Variants in ROBO1 observed in about 807,000 individuals in gnomAD.
ROBO1 encodes the protein roundabout homolog 1.
In ROBO1, 149 loss-of-function variants were observed where a neutral mutation model predicts 195.9. The ratio of observed to expected loss-of-function variants is 0.76; its 90% confidence interval spans 0.67 to 0.87. The LOEUF (loss-of-function observed/expected upper bound fraction) is 0.87, where lower values mean the gene tolerates loss of function less well. Among genes scored for constraint, ROBO1 ranks in the 40% least tolerant of loss-of-function variants. The pLI is 0.00. For synonymous variants in ROBO1, 816 were observed against 733.2 expected, an observed-to-expected ratio of 1.11 and a Z score of -1.82; for missense variants, 1,933 against 2,068.3, an observed-to-expected ratio of 0.93 and a Z score of 1.27.
chr3:79,377,198 A>C (rs1559856368), intron 2 of ROBO1, among the ~76,000 whole-genome samples: 1 of 152,178 alleles, frequency 6.6e-6, no homozygotes, highest in Non-Finnish European at 1.5e-5. Flanking sequence ...AGAAAAAAAG[A>C]CACACAATTC....
intron 10 of ROBO1, among the ~76,000 whole-genome samples, chr3:78,672,993 C>T (rs1708153644): frequency 6.6e-6 from 1 of 152,132 alleles, no homozygotes; most frequent in African/African-American, 2.4e-5. Context: ...GCCAACAGCA[C>T]CAAGTGACTA....
chr3:78,943,670 A>C (rs2040261038), intron 3 of ROBO1, among the ~76,000 whole-genome samples: 1 of 152,186 alleles, frequency 6.6e-6, no homozygotes, highest in South Asian at 2.1e-4. Context: ...TTGGCCACTG[A>C]ACTCTTTTTT....
chr3:78,805,866 T>C (rs1325205992), intron 4 of ROBO1, among the ~76,000 whole-genome samples: 2 of 152,134 alleles, frequency 1.3e-5, no homozygotes, highest in African/African-American at 4.8e-5. Context: ...AGTGATACAT[T>C]TGTGCTAAAA....
At position 78,639,123 on chromosome 3, in the gene ROBO1, C is replaced by A. The variant is rs1705752204; in HGVS notation, c.3037+621G>T. ...ATTGCGCCTCTGAGCTCCAGCCTGG[C>A]CTACAGAGTGAGACTCTTGTCAAAA... On this transcript the variant is annotated intron_variant, in intron 22 of 30. Coordinates refer to ENST00000464233, the MANE Select transcript of ROBO1 (RefSeq NM_002941.4). Among the ~76,000 whole-genome samples, 4 of 151,356 alleles carry A rather than the reference C, an allele frequency of 2.6e-5. No homozygotes were observed. In the South Asian group the frequency reaches 8.4e-4, roughly 32 times the overall value.
intron 1 of ROBO1, among the ~76,000 whole-genome samples, chr3:79,754,855 A>C (rs1445941479): frequency 6.6e-6 from 1 of 152,146 alleles, no homozygotes; most frequent in Non-Finnish European, 1.5e-5. Flanking sequence ...TAATTACCTG[A>C]TACCACTTTT....
At chr3:79,395,655 C>T (rs1301550714) in intron 2 of ROBO1, among the ~76,000 whole-genome samples, 1 of 152,024 alleles carries the variant, frequency 6.6e-6, no homozygotes, top group African/African-American at 2.4e-5. Flanking sequence ...TACGGATACA[C>T]ATATATTTCT....
intron 2 of ROBO1, among the ~76,000 whole-genome samples, chr3:79,538,376 A>G (rs568638519): frequency 6.6e-6 from 1 of 152,308 alleles, no homozygotes; most frequent in African/African-American, 2.4e-5. Flanking sequence ...CAGTACAAGG[A>G]GATTTTAAAA....
At chr3:79,165,870 A>G (rs1230706563) in intron 2 of ROBO1, among the ~76,000 whole-genome samples, 1 of 152,182 alleles carries the variant, frequency 6.6e-6, no homozygotes, top group Non-Finnish European at 1.5e-5. Flanking sequence ...AATTGACTTT[A>G]ATTAAGTGGA....
At chr3:78,764,117 A>C (rs1468844718) in intron 4 of ROBO1, among the ~76,000 whole-genome samples, 2 of 152,200 alleles carry the variant, frequency 1.3e-5, no homozygotes, top group Non-Finnish European at 2.9e-5. Context: ...ACAGAAAAAA[A>C]TATTCATGTA....
chr3:79,099,622 A>C (rs2079637838), intron 3 of ROBO1, among the ~76,000 whole-genome samples: 1 of 139,132 alleles, frequency 7.2e-6, no homozygotes, highest in Non-Finnish European at 1.6e-5. Context: ...TCACCATATT[A>C]TAGTTATCTT....
intron 1 of ROBO1, among the ~76,000 whole-genome samples, chr3:79,748,591 C>T (rs961086047): frequency 4.6e-5 from 7 of 152,134 alleles, no homozygotes; most frequent in African/African-American, 1.7e-4. Context: ...TGTGTCCCCA[C>T]CCAAATCTCA....
intron 10 of ROBO1, among the ~76,000 whole-genome samples, chr3:78,683,801 T>C (rs2080987571): frequency 6.6e-6 from 1 of 151,662 alleles, no homozygotes; most frequent in Non-Finnish European, 1.5e-5. Context: ...TAAAAAAAAT[T>C]TGCATCACAA....
At chr3:79,073,968 T>C (rs2079129820) in intron 3 of ROBO1, among the ~76,000 whole-genome samples, 1 of 151,330 alleles carries the variant, frequency 6.6e-6, no homozygotes, top group Admixed American at 6.6e-5. Context: ...ATATTTCTCT[T>C]CCCTGAAATG....
chr3:79,588,906 C>T (rs892738661), intron 2 of ROBO1, among the ~76,000 whole-genome samples: 3 of 151,610 alleles, frequency 2.0e-5, no homozygotes, highest in Non-Finnish European at 4.4e-5. Context: ...CTTAACCCAG[C>T]ACAGGGAAAA....
At chr3:78,939,738 C>T (rs1428373393) in intron 3 of ROBO1, among the ~76,000 whole-genome samples, 1 of 151,122 alleles carries the variant, frequency 6.6e-6, no homozygotes, top group Admixed American at 6.6e-5. Flanking sequence ...AAAGTATATA[C>T]ACTTCCCCAG....
intron 10 of ROBO1, among the ~76,000 whole-genome samples, chr3:78,674,500 A>C (rs1266136446): frequency 6.6e-6 from 1 of 152,256 alleles, no homozygotes; most frequent in East Asian, 1.9e-4. Flanking sequence ...AATATCAATA[A>C]GCTCCAAAAT....
intron 3 of ROBO1, among the ~76,000 whole-genome samples, chr3:79,080,005 T>C (rs1418342964): frequency 6.6e-6 from 1 of 151,716 alleles, no homozygotes; most frequent in Non-Finnish European, 1.5e-5. Flanking sequence ...TTTAATGGCA[T>C]ATGTTCTTGT....
chr3:79,761,786 A>G (rs9819940), intron 1 of ROBO1, among the ~76,000 whole-genome samples: 48,133 of 152,042 alleles, frequency 0.32, 7,886 homozygotes, highest in East Asian at 0.4. Flanking sequence ...AGATCTAAAA[A>G]GCTTTGCAAA....
chr3:78,675,709 G>A (rs1266369018), intron 10 of ROBO1, among the ~76,000 whole-genome samples: 2 of 152,142 alleles, frequency 1.3e-5, no homozygotes, highest in African/African-American at 2.4e-5. Context: ...GCTCAAGGAG[G>A]CCTGCCTGCC....
Sources: gnomAD v4.1 joint callset for allele counts (sites outside exome capture counted in the v4.1 genomes callset) on GRCh38, gnomAD v4.1.1 for gene constraint, MANE v1.5 for transcripts, NCBI Gene and HGNC (gene_info 2026-07-23, HGNC 2026-07-21) for gene names.